Variants in PTPRM observed in about 807,000 individuals in gnomAD.
PTPRM encodes receptor-type tyrosine-protein phosphatase mu.
In PTPRM, 47 loss-of-function variants were observed where a neutral mutation model predicts 186.7. That is an observed-to-expected ratio of 0.25 (90% confidence interval 0.20 to 0.32). The LOEUF is 0.32. Ranked by LOEUF, PTPRM falls within the 10% of genes least tolerant of loss-of-function variation. The probability of loss-of-function intolerance (pLI) is 1.00; values close to 1 mark genes in which losing one functional copy is unlikely to be tolerated. For synonymous variants in PTPRM, 668 were observed against 674.9 expected, an observed-to-expected ratio of 0.99 and a Z score of 0.16; for missense variants, 1,494 against 1,865.0, an observed-to-expected ratio of 0.80 and a Z score of 3.66.
intron 2 of PTPRM, among the ~76,000 whole-genome samples, chr18:7,850,633 T>TTCC (rs2046815155): frequency 6.6e-6 from 1 of 152,208 alleles, no homozygotes; most frequent in African/African-American, 2.4e-5. Context: ...ACTGTAGGAA[T>TTCC]AAGAGTGAAT....
chr18:7,901,167 T>C (rs1217048482), intron 3 of PTPRM, among the ~76,000 whole-genome samples: 1 of 152,190 alleles, frequency 6.6e-6, no homozygotes, highest in Admixed American at 6.5e-5. Flanking sequence ...TACTTTTCAT[T>C]AGAGTAGTTC....
intron 7 of PTPRM, among the ~76,000 whole-genome samples, chr18:8,044,476 C>T (rs938958703): frequency 2.6e-5 from 4 of 151,954 alleles, no homozygotes; most frequent in East Asian, 1.9e-4. Context: ...TCAAGACATG[C>T]GGGCACAATG....
chr18:8,095,924 T>G (rs2090995197), intron 11 of PTPRM, among the ~76,000 whole-genome samples: 1 of 152,262 alleles, frequency 6.6e-6, no homozygotes. Flanking sequence ...TATATAAATA[T>G]TTTTAAACCC....
chr18:8,181,790 G>A (rs2302502), intron 14 of PTPRM, among the ~76,000 whole-genome samples: 87,229 of 151,928 alleles, frequency 0.57, 25,903 homozygotes, highest in Middle Eastern at 0.75. Context: ...TTCCTTCATC[G>A]GTGCTGGCAG....
At chr18:8,168,804 C>T (rs2093357977) in intron 14 of PTPRM, among the ~76,000 whole-genome samples, 1 of 152,216 alleles carries the variant, frequency 6.6e-6, no homozygotes, top group Admixed American at 6.5e-5. Context: ...CCATCTCAAA[C>T]CTACATAGTG....
chr18:8,105,947 G>T (rs988747547), intron 11 of PTPRM, among the ~76,000 whole-genome samples: 4 of 152,206 alleles, frequency 2.6e-5, no homozygotes, highest in African/African-American at 9.6e-5. Flanking sequence ...TTCCAAGTTT[G>T]CCTGACAGTG....
intron 19 of PTPRM, among the ~76,000 whole-genome samples, chr18:8,291,349 C>A (rs2095040990): frequency 6.6e-6 from 1 of 152,172 alleles, no homozygotes; most frequent in Non-Finnish European, 1.5e-5. Context: ...CTCCCAGAGA[C>A]CAGAAGCCAG....
chr18:8,237,478 C>T (rs1289862523), intron 14 of PTPRM, among the ~76,000 whole-genome samples: 14 of 112,964 alleles, frequency 1.2e-4, no homozygotes, highest in African/African-American at 1.9e-4. Context: ...GACAGAGTTT[C>T]GCTCTTGTTG....
intron 22 of PTPRM, among the ~76,000 whole-genome samples, chr18:8,322,093 GT>G (rs1346189457): frequency 6.6e-6 from 1 of 152,180 alleles, no homozygotes; most frequent in Non-Finnish European, 1.5e-5. Context: ...TTTGTCCTGT[GT>G]TTTGCACTAA....
At chr18:7,740,843 A>G (rs1019057125) in intron 1 of PTPRM, among the ~76,000 whole-genome samples, 2 of 152,190 alleles carry the variant, frequency 1.3e-5, no homozygotes, top group Non-Finnish European at 2.9e-5. Flanking sequence ...TGGTTAAGCT[A>G]TACGGTATGG....
At chr18:8,150,889 T>C (rs907337770) in intron 14 of PTPRM, among the ~76,000 whole-genome samples, 2 of 152,220 alleles carry the variant, frequency 1.3e-5, no homozygotes, top group African/African-American at 4.8e-5. Flanking sequence ...CTGGCCCCTC[T>C]GCTGCAGGTC....
chr18:7,841,699 C>T (rs1452034550), intron 2 of PTPRM, among the ~76,000 whole-genome samples: 5 of 152,150 alleles, frequency 3.3e-5, no homozygotes, highest in Non-Finnish European at 5.9e-5. Context: ...TTAGCATAAT[C>T]GTGAAACTAG....
At chr18:7,872,187 A>G (rs1251885886) in intron 2 of PTPRM, among the ~76,000 whole-genome samples, 2 of 152,182 alleles carry the variant, frequency 1.3e-5, no homozygotes, top group African/African-American at 4.8e-5. Flanking sequence ...TAAGTGGTGT[A>G]AAAGAACCAC....
intron 19 of PTPRM, among the ~76,000 whole-genome samples, chr18:8,259,921 T>A (rs979417696): frequency 2.0e-5 from 3 of 152,138 alleles, no homozygotes; most frequent in African/African-American, 4.8e-5. Flanking sequence ...GGATTACAGG[T>A]GTGAGCCACC....
At chr18:8,280,752 G>A (rs918123190) in intron 19 of PTPRM, among the ~76,000 whole-genome samples, 3 of 152,086 alleles carry the variant, frequency 2.0e-5, no homozygotes, top group Non-Finnish European at 2.9e-5. Context: ...CTGCCCTTAC[G>A]TTCTTGTTCT....
intron 13 of PTPRM, among the ~76,000 whole-genome samples, chr18:8,142,483 G>T (rs544739603): frequency 1.8e-4 from 27 of 152,102 alleles, no homozygotes; most frequent in Non-Finnish European, 2.4e-4. Flanking sequence ...GTGATATCTG[G>T]CACTCCCTCT....
At chr18:8,238,485 C>T (rs546808478) in intron 14 of PTPRM, among the ~76,000 whole-genome samples, 15 of 151,980 alleles carry the variant, frequency 9.9e-5, no homozygotes, top group Non-Finnish European at 1.5e-5. Flanking sequence ...TCTCTGCTTA[C>T]ATTACCTATC....
chr18:8,013,671 T>C (rs569325523), intron 7 of PTPRM, among the ~76,000 whole-genome samples: 39 of 152,240 alleles, frequency 2.6e-4, no homozygotes, highest in African/African-American at 8.2e-4. Flanking sequence ...CTGCACAGCC[T>C]CCTGGGGTAC....
chr18:8,017,861 T>C (rs1373789922), intron 7 of PTPRM: 1 of 152,022 alleles, frequency 6.6e-6, no homozygotes, highest in Non-Finnish European at 1.5e-5. Flanking sequence ...GGGACGTAAA[T>C]AGGGAACTGT....
Sources: allele counts gnomAD v4.1 joint callset (sites outside exome capture counted in the v4.1 genomes callset), GRCh38; gene constraint gnomAD v4.1.1; transcripts MANE v1.5; gene names NCBI Gene and HGNC (gene_info 2026-07-23, HGNC 2026-07-21).